The following ALAS1 variants were observed in gnomAD, a reference collection of about 807,000 sequenced individuals.
The protein encoded by ALAS1 is 5'-aminolevulinate synthase 1, also known as 5-aminolevulinate synthase, non-specific, mitochondrial.
In ALAS1, 29 loss-of-function variants were observed where a neutral mutation model predicts 59.6. That is an observed-to-expected ratio of 0.49 (90% CI 0.36 to 0.66). ALAS1 has a LOEUF of 0.66. Ranked by LOEUF, ALAS1 falls within the 30% of genes least tolerant of loss-of-function variation. The pLI is 0.00. For missense variants in ALAS1, 690 were observed against 807.5 expected, an observed-to-expected ratio of 0.85 and a Z score of 1.76; for synonymous variants, 299 against 296.6, an observed-to-expected ratio of 1.01 and a Z score of -0.08.
intron 4 of ALAS1, 93 bp downstream of exon 4, chr3:52,202,827 A>G: frequency 8.3e-7 from 1 of 1,210,250 alleles, no homozygotes; most frequent in South Asian, 1.3e-5. Flanking sequence ...TTATTAGGGC[A>G]GTATTTATGG....
chr3:52,204,450 G>T (rs913345013), intron 5 of ALAS1, among the ~76,000 whole-genome samples: 4 of 152,242 alleles, frequency 2.6e-5, no homozygotes, highest in Admixed American at 1.3e-4. Flanking sequence ...GCGTGAGCAG[G>T]TGCTTTTGGT....
intron 6 of ALAS1, among the ~76,000 whole-genome samples, chr3:52,205,586 C>T (rs1454500861): frequency 6.6e-6 from 1 of 152,106 alleles, no homozygotes; most frequent in Non-Finnish European, 1.5e-5. Flanking sequence ...TCAGCTAATA[C>T]CAAGCACTTA....
intron 7 of ALAS1, 76 bp from the exon 8 acceptor site, chr3:52,206,496 A>G: frequency 6.7e-7 from 1 of 1,496,514 alleles, no homozygotes. Context: ...TTTCCAAGGA[A>G]AAGTCTGTTG....
chr3:52,200,063 G>A (rs995086320), intron 3 of ALAS1, among the ~76,000 whole-genome samples: 1 of 152,174 alleles, frequency 6.6e-6, no homozygotes, highest in Non-Finnish European at 1.5e-5. Context: ...TGATCCACCT[G>A]CCTCAGCCTC....
In ALAS1 at chr3:52,199,550, C is replaced by T. The variant is rs918252377; in HGVS notation, c.199+110C>T. 9.6e-6 allele frequency: 10 copies of T among 1,040,900 alleles called. No homozygotes were observed. In the African/African-American group the frequency reaches 1.4e-4, roughly 15 times the overall value. 64.5% of individuals were successfully genotyped at this position (1,040,900 alleles called of 1,614,324 possible). ...GGTCACACTCACTCACAGAGGGCTG[C>T]TATGTGCAGGCTGGGCTCTGAGCAC... On this transcript the variant is annotated intron_variant, in intron 3 of 11. Transcript: ENST00000484952.
In ALAS1 at chr3:52,202,518, G is replaced by T. The variant is rs1305024298; in HGVS notation, c.211G>T (p.Ala71Ser). The change falls in exon 4 of 12, where the codon GCT becomes TCT. Residue 71 changes from alanine to serine, a missense_variant. Transcript: ENST00000484952. ...TPPASEKDKT[A>S]KAKVQQTPDG... ...ATTTCCTCCCTCAGAAGACAAAACT[G>T]CTAAGGCCAAGGTCCAACAGACTCC... 1 of 1,612,286 alleles carries T rather than the reference G, an allele frequency of 6.2e-7. No individual in the cohort carries two copies. The highest frequency in any genetic ancestry group is 1.3e-5 in the African/African-American group (1 of 74,898).
At chr3:52,202,266 C>G (rs1187670167) in intron 3 of ALAS1, among the ~76,000 whole-genome samples, 1 of 152,134 alleles carries the variant, frequency 6.6e-6, no homozygotes, top group African/African-American at 2.4e-5. Context: ...ATGAGAATCA[C>G]TTGAACCCAG....
intron 3 of ALAS1, among the ~76,000 whole-genome samples, chr3:52,201,974 G>A (rs142841088): frequency 6.6e-6 from 1 of 152,304 alleles, no homozygotes; most frequent in African/African-American, 2.4e-5. Flanking sequence ...GAGGCAACTG[G>A]AATGTGCCAG....
chr3:52,208,453 C>T (rs1442654265), intron 9 of ALAS1, among the ~76,000 whole-genome samples: 1 of 152,242 alleles, frequency 6.6e-6, no homozygotes, highest in Non-Finnish European at 1.5e-5. Flanking sequence ...GCCTAACACA[C>T]TGATAGACCA....
upstream of ALAS1, chr3:52,198,149 A>G (rs1412196401): frequency 2.0e-5 from 8 of 398,310 alleles, no homozygotes; most frequent in Non-Finnish European, 3.5e-5. Context: ...GGCGCCGGCG[A>G]TCGCGGCCTG....
At chr3:52,211,664 G>A (rs1699413025) in intron 10 of ALAS1, 113 bp downstream of exon 10, 4 of 1,458,196 alleles carry the variant, frequency 2.7e-6, no homozygotes, top group Non-Finnish European at 1.9e-6. Flanking sequence ...GACTGCCAGG[G>A]CAGGGGTTGT....
chr3:52,199,193 A>C lies in ALAS1; in HGVS notation c.-32-17A>C. ...TTTGCCTGATTATTAACAACTGTTG[A>C]TGTCACTCTTCATCAGTCTTTCCAC... is the stretch of plus-strand genomic sequence containing the variant. On this transcript the variant is annotated splice_polypyrimidine_tract_variant and intron_variant, in intron 2 of 11. Coordinates refer to ENST00000484952, the MANE Select transcript of ALAS1 (RefSeq NM_000688.6). 1.3e-6 allele frequency: 2 copies of C among 1,600,004 alleles called. No individual in the cohort carries two copies. Among genetic ancestry groups the C allele is most frequent in the Non-Finnish European group, 1.7e-6 (2 of 1,167,346 alleles).
In ALAS1 at chr3:52,214,177, C is replaced by T; in HGVS notation, c.1920C>T (p.Ala640=). The change falls in exon 12 of 12, where the codon GCC becomes GCT. Residue 640 remains alanine, a synonymous_variant. Coordinates refer to ENST00000484952, the MANE Select transcript of ALAS1 (RefSeq NM_000688.6). ...TGAGCAAGTTGGTATCTGCTCAGGC[C>T]TGAGCATGACCTCAATTATTTCACT... ...SGLSKLVSAQ[A] is the part of the protein sequence containing the mutation. 3 of 1,592,072 alleles carry T rather than the reference C, an allele frequency of 1.9e-6. No homozygotes were observed. The highest frequency in any genetic ancestry group is 2.6e-6 in the Non-Finnish European group (3 of 1,161,866).
chr3:52,204,463 T>G (rs545925915), intron 5 of ALAS1, among the ~76,000 whole-genome samples: 1 of 152,370 alleles, frequency 6.6e-6, no homozygotes, highest in East Asian at 1.9e-4. Context: ...CTTTTGGTTG[T>G]GGTGACTACA....
At chr3:52,202,794 C>A in intron 4 of ALAS1, 60 bp downstream of exon 4, 1 of 1,515,570 alleles carries the variant, frequency 6.6e-7, no homozygotes, top group Non-Finnish European at 9.1e-7. Flanking sequence ...TTCTTTTGGG[C>A]CCTCAGATTT....
At chr3:52,209,454 G>A (rs1048469389) in intron 9 of ALAS1, among the ~76,000 whole-genome samples, 8 of 152,072 alleles carry the variant, frequency 5.3e-5, no homozygotes, top group Non-Finnish European at 7.4e-5. Flanking sequence ...TGATCTGCCC[G>A]CCTCAGCCTC....
At position 52,202,543 on chromosome 3, in the gene ALAS1, C is replaced by T. The variant is rs901055264; in HGVS notation, c.236C>T (p.Pro79Leu). 1 of 1,614,174 alleles carries T rather than the reference C, an allele frequency of 6.2e-7. No homozygotes were observed. Among genetic ancestry groups the T allele is most frequent in the Non-Finnish European group, 8.5e-7 (1 of 1,180,022 alleles). ...GCTAAGGCCAAGGTCCAACAGACTC[C>T]TGATGGATCCCAGCAGAGTCCAGAT... is the stretch of plus-strand genomic sequence containing the variant. ...KTAKAKVQQT[P>L]DGSQQSPDGT... Residue 79 changes from proline (P) to leucine (L), a missense_variant, in exon 4 of 12, where the codon CCT (proline) becomes CTT (leucine). Transcript: ENST00000484952.
chr3:52,204,067 C>T, intron 5 of ALAS1, 55 bp downstream of exon 5: 1 of 1,530,926 alleles, frequency 6.5e-7, no homozygotes, highest in East Asian at 2.3e-5. Context: ...TTCAAATGTA[C>T]ATTAGATTAA....
chr3:52,202,375 A>G (rs925801268), intron 3 of ALAS1, 132 bp from the exon 4 acceptor site: 1 of 746,654 alleles, frequency 1.3e-6, no homozygotes, highest in African/African-American at 1.8e-5. Flanking sequence ...CAAAAAAAAC[A>G]CTTGTGTCTG....
Sources: allele counts gnomAD v4.1 joint callset (sites outside exome capture counted in the v4.1 genomes callset), GRCh38; gene constraint gnomAD v4.1.1; transcripts MANE v1.5; gene names NCBI Gene and HGNC (gene_info 2026-07-23, HGNC 2026-07-21).